Variants in BBS4 observed in about 807,000 individuals in gnomAD.
The protein encoded by BBS4 is BBSome complex member BBS4.
A neutral mutation model predicts 71.4 loss-of-function variants in BBS4; 58 were observed. That is an observed-to-expected ratio of 0.81 (90% confidence interval 0.66 to 1.01). BBS4 has a LOEUF of 1.01. BBS4 is among the 50% of genes least tolerant of loss of function. BBS4 has a pLI of 0.00. For synonymous variants in BBS4, 228 were observed against 216.8 expected (o/e 1.05, Z -0.46); for missense variants, 660 against 607.9 (o/e 1.09, Z -0.90).
rs79117014 is a variant in BBS4 at position 72,718,545 on chromosome 15, A to G, written c.405+1695A>G. Reference sequence around the variant, plus strand: ...CACTATTATTTTTGAAGTGTGTTCAATTTGTTAGTCGCTTTTCTTCTGTAC... The same window carrying G: ...CACTATTATTTTTGAAGTGTGTTCAGTTTGTTAGTCGCTTTTCTTCTGTAC... On this transcript the variant is annotated intron_variant, in intron 6 of 15. Coordinates refer to ENST00000268057, the MANE Select transcript of BBS4 (RefSeq NM_033028.5). Among the ~76,000 whole-genome samples the G allele has an allele frequency of 9.5e-3, 1,448 of 152,286 alleles. 27 individuals are homozygous for G. Among genetic ancestry groups the G allele is most frequent in the African/African-American group, 0.033 (1,362 of 41,550 alleles).
chr15:72,688,281 C>G (rs1326079259), intron 1 of BBS4, among the ~76,000 whole-genome samples: 1 of 151,948 alleles, frequency 6.6e-6, no homozygotes, highest in Non-Finnish European at 1.5e-5. Flanking sequence ...GCAATTAAGC[C>G]TGAAGTTAAC....
rs1390823876 is a variant in BBS4 at position 72,735,833 on chromosome 15, C to G, written c.1115C>G (p.Pro372Arg). ...AEAVHLDKCN[P>R]LVNLNYAVLL... The stretch of plus-strand genomic sequence containing the variant: ...ATCTCTGTCTGCCACAGGTGTAACC[C>G]TTTAGTAAACCTGAACTATGCTGTG... Residue 372 changes from proline to arginine, a missense_variant, in exon 14 of 16, where the codon CCT (proline) becomes CGT (arginine). Pro to Arg is a moderately radical substitution (Grantham distance 103). Transcript: ENST00000268057. The G allele has an allele frequency of 1.2e-6, 2 of 1,614,016 alleles. No homozygotes were observed. The highest frequency in any genetic ancestry group is 2.7e-5 in the African/African-American group (2 of 74,900).
intron 2 of BBS4, among the ~76,000 whole-genome samples, chr15:72,702,800 CTCTTTTTTTT>C (rs1199630492): frequency 4.7e-5 from 2 of 42,140 alleles, no homozygotes; most frequent in African/African-American, 1.1e-4. Context: ...GAGGAGCTGA[CTCTTTTTTTT>C]TTTTTTTTTT....
Position 72,737,781 on chromosome 15 carries a change from CT to C in BBS4, c.*195del, listed in dbSNP as rs2065956020. On this transcript the variant is annotated 3_prime_UTR_variant, in exon 16 of 16. Coordinates refer to ENST00000268057, the MANE Select transcript of BBS4 (RefSeq NM_033028.5). ...GGCATTTGAGGTCGGAAACCCTCTACTGCCCCATAAGCCAGGAAAAGTGAAA... is the reference window on the plus strand; with the variant it reads ...GGCATTTGAGGTCGGAAACCCTCTACGCCCCATAAGCCAGGAAAAGTGAAA... The C allele has an allele frequency of 1.6e-6, 1 of 620,864 alleles. No individual in the cohort carries two copies. The highest frequency in any genetic ancestry group is 3.3e-5 in the East Asian group (1 of 30,568). 38.5% of individuals were successfully genotyped at this position (620,864 alleles called of 1,614,324 possible).
Position 72,736,783 on chromosome 15 carries a change from T to C in BBS4, c.1270T>C (p.Leu424=), listed in dbSNP as rs376011637. The change falls in exon 15 of 16, where the codon TTG becomes CTG. Residue 424 remains leucine, a synonymous_variant. Transcript: ENST00000268057. ...DSEMVEMAQK[L]GAALQVGEAL... is the part of the protein sequence containing the mutation. ...CAAGATGGTGGAGATGGCTCAGAAG[T>C]TGGGAGCTGCTCTCCAGGTTGGGGA... The C allele has an allele frequency of 3.1e-6, 5 of 1,614,028 alleles. No individual in the cohort carries two copies. Among genetic ancestry groups the C allele is most frequent in the Non-Finnish European group, 4.2e-6 (5 of 1,180,026 alleles).
At chr15:72,725,053 T>TAGAGAG (rs758482322) in intron 8 of BBS4, among the ~76,000 whole-genome samples, 511 of 102,820 alleles carry the variant, frequency 5.0e-3, no homozygotes, top group Middle Eastern at 0.011. Flanking sequence ...TATATATATA[T>TAGAGAG]ATATAGAGAG....
intron 14 of BBS4, 97 bp from the exon 15 acceptor site, chr15:72,736,665 A>G (rs899711195): frequency 2.2e-5 from 25 of 1,153,750 alleles, no homozygotes; most frequent in Middle Eastern, 2.6e-4. Context: ...ACCAGACACT[A>G]TTTCAGCTAA....
intron 5 of BBS4, among the ~76,000 whole-genome samples, chr15:72,716,298 C>A (rs2065467494): frequency 6.6e-6 from 1 of 152,168 alleles, no homozygotes; most frequent in African/African-American, 2.4e-5. Context: ...TCTCCCCTTT[C>A]TTAGCCACAT....
intron 1 of BBS4, among the ~76,000 whole-genome samples, chr15:72,694,405 G>C (rs971854907): frequency 1.3e-5 from 2 of 152,076 alleles, no homozygotes; most frequent in African/African-American, 4.8e-5. Flanking sequence ...TGTCCAGGCT[G>C]GTCTTGAACT....
At position 72,715,328 on chromosome 15, in the gene BBS4, C is replaced by G; in HGVS notation, c.258C>G (p.Ser86=). ...IFRLEGNIQE[S]LELFQTCAVL... is the part of the protein sequence containing the mutation. ...GCCTAGAAGGAAATATCCAAGAATC[C>G]CTAGAACTCTTCCAGACATGTGCAG... The change falls in exon 5 of 16, where the codon TCC becomes TCG. Residue 86 remains serine (S), a synonymous_variant. Coordinates refer to ENST00000268057, the MANE Select transcript of BBS4 (RefSeq NM_033028.5). 1 of 1,613,832 alleles carries G rather than the reference C, an allele frequency of 6.2e-7. No individual in the cohort carries two copies. Among genetic ancestry groups the G allele is most frequent in the Non-Finnish European group, 8.5e-7 (1 of 1,179,848 alleles).
chr15:72,688,528 C>G (rs1432273418), intron 1 of BBS4, among the ~76,000 whole-genome samples: 2 of 136,756 alleles, frequency 1.5e-5, no homozygotes, highest in Non-Finnish European at 3.0e-5. Flanking sequence ...ATTTTTCTGC[C>G]TCAGCCTCCC....
chr15:72,736,091 G>A (rs2065918274), intron 14 of BBS4, 125 bp downstream of exon 14: 2 of 1,092,102 alleles, frequency 1.8e-6, no homozygotes, highest in African/African-American at 1.6e-5. Context: ...GATGTTCCTA[G>A]CAGCATGAGT....
intron 4 of BBS4, 62 bp from the exon 5 acceptor site, chr15:72,715,229 C>G: frequency 1.6e-6 from 2 of 1,274,178 alleles, no homozygotes; most frequent in Non-Finnish European, 2.3e-6. Context: ...TTTTCTGACC[C>G]CAGGCTCCAT....
intron 1 of BBS4, among the ~76,000 whole-genome samples, chr15:72,692,419 G>A (rs2065002056): frequency 7.1e-6 from 1 of 140,284 alleles, no homozygotes; most frequent in African/African-American, 2.7e-5. Context: ...GGGCTCAAGT[G>A]ATCCTTCCAC....
At chr15:72,696,033 A>G (rs2065070608) in intron 2 of BBS4, among the ~76,000 whole-genome samples, 1 of 152,354 alleles carries the variant, frequency 6.6e-6, no homozygotes, top group South Asian at 2.1e-4. Context: ...ACAATTACAG[A>G]TATTCATATT....
Position 72,717,208 on chromosome 15 carries a change from A to G in BBS4, c.405+358A>G, listed in dbSNP as rs992519190. ...CCCGTCCCCATCTGTGTGACATTCAATTGACTCTTTCATTCTGAAGACCCT... is the reference window on the plus strand; with the variant it reads ...CCCGTCCCCATCTGTGTGACATTCAGTTGACTCTTTCATTCTGAAGACCCT... On this transcript the variant is annotated intron_variant, in intron 6 of 15. Coordinates refer to ENST00000268057, the MANE Select transcript of BBS4 (RefSeq NM_033028.5). The G allele has an allele frequency of 1.8e-4, 43 of 242,652 alleles. No individual in the cohort carries two copies. The East Asian group carries it at 4.4e-3, about 25-fold the overall frequency. 15.0% of individuals were successfully genotyped at this position (242,652 alleles called of 1,614,324 possible).
In BBS4 at chr15:72,731,556, C is replaced by A; in HGVS notation, c.866C>A (p.Ala289Asp). Reference protein sequence around the residue: ...CFFGKKKYVAAISCLKRANYL... With the variant: ...CFFGKKKYVADISCLKRANYL... ...TTGAGTGCCCCTTCTCTCTCATAGG[C>A]CATCAGCTGCCTGAAACGAGCCAAC... The change falls in exon 12 of 16, where the codon GCC (alanine) becomes GAC (aspartate). Residue 289 changes from alanine to aspartate, a missense_variant and splice_region_variant. Ala to Asp is a moderately radical substitution (Grantham distance 126). Coordinates refer to ENST00000268057, the MANE Select transcript of BBS4 (RefSeq NM_033028.5). The A allele has an allele frequency of 1.9e-6, 3 of 1,614,182 alleles. No homozygotes were observed. Among genetic ancestry groups the A allele is most frequent in the Non-Finnish European group, 2.5e-6 (3 of 1,180,038 alleles).
Position 72,722,861 on chromosome 15 carries a change from G to C in BBS4, c.459+14G>C, listed in dbSNP as rs200810799. 242 of 1,610,330 alleles carry C rather than the reference G, an allele frequency of 1.5e-4. No individual in the cohort carries two copies. The African/African-American group carries it at 2.8e-3, about 19-fold the overall frequency. Reference sequence around the variant, plus strand: ...CAGTTCAACAAGGTAATTTATAGAAGTGGTGATAGATTTCACTGAGGGTGC... The same window carrying C: ...CAGTTCAACAAGGTAATTTATAGAACTGGTGATAGATTTCACTGAGGGTGC... On this transcript the variant is annotated intron_variant, in intron 7 of 15. Coordinates refer to ENST00000268057, the MANE Select transcript of BBS4 (RefSeq NM_033028.5).
intron 1 of BBS4, among the ~76,000 whole-genome samples, chr15:72,691,106 T>C (rs1192706242): frequency 6.6e-6 from 1 of 152,146 alleles, no homozygotes; most frequent in African/African-American, 2.4e-5. Context: ...CACCTCAACC[T>C]CCCGAGTAGC....
Sources: allele counts gnomAD v4.1 joint callset (sites outside exome capture counted in the v4.1 genomes callset), GRCh38; gene constraint gnomAD v4.1.1; transcripts MANE v1.5; gene names NCBI Gene and HGNC (gene_info 2026-07-23, HGNC 2026-07-21).